The following EDAR variants were observed in gnomAD, a reference collection of about 807,000 sequenced individuals.
EDAR encodes tumor necrosis factor receptor superfamily member EDAR.
EDAR carries 38 observed loss-of-function variants against 51.3 expected under a neutral mutation model. That is an observed-to-expected ratio of 0.74 (90% CI 0.57 to 0.97). The LOEUF is 0.97. Among genes scored for constraint, EDAR ranks in the 50% least tolerant of loss-of-function variants. EDAR has a pLI of 0.00. For missense variants in EDAR, 528 were observed against 595.0 expected, an observed-to-expected ratio of 0.89 and a Z score of 1.17; for synonymous variants, 227 against 242.1, an observed-to-expected ratio of 0.94 and a Z score of 0.58.
intron 1 of EDAR, among the ~76,000 whole-genome samples, chr2:108,948,629 G>T (rs1697761522): frequency 6.6e-6 from 1 of 152,166 alleles, no homozygotes; most frequent in Admixed American, 6.5e-5. Flanking sequence ...GAGAGAGAGA[G>T]AGTGAAGTGG....
At chr2:108,935,605 G>A (rs1697451704) in intron 1 of EDAR, among the ~76,000 whole-genome samples, 1 of 152,080 alleles carries the variant, frequency 6.6e-6, no homozygotes, top group African/African-American at 2.4e-5. Flanking sequence ...TTAAGTTCTG[G>A]CCTTCTTCCA....
chr2:108,918,432 G>T (rs1203486053), intron 5 of EDAR, among the ~76,000 whole-genome samples: 1 of 152,206 alleles, frequency 6.6e-6, no homozygotes, highest in African/African-American at 2.4e-5. Flanking sequence ...GTTTCTGTTG[G>T]GTGGCCAACT....
intron 11 of EDAR, among the ~76,000 whole-genome samples, chr2:108,902,797 A>C (rs1696726984): frequency 6.6e-6 from 1 of 152,250 alleles, no homozygotes; most frequent in Non-Finnish European, 1.5e-5. Flanking sequence ...CTAATATTAT[A>C]CTTAATGGTG....
At chr2:108,952,662 C>G (rs1213190645) in intron 1 of EDAR, among the ~76,000 whole-genome samples, 1 of 152,196 alleles carries the variant, frequency 6.6e-6, no homozygotes, top group East Asian at 1.9e-4. Flanking sequence ...ATGAGTTATT[C>G]TAAAGTCTTA....
chr2:108,984,959 T>C (rs1482459962), intron 1 of EDAR, among the ~76,000 whole-genome samples: 1 of 152,136 alleles, frequency 6.6e-6, no homozygotes, highest in African/African-American at 2.4e-5. Flanking sequence ...ATATGGCAAA[T>C]GGAAGTTTTA....
At chr2:108,909,862 G>A (rs1037088341) in intron 9 of EDAR, among the ~76,000 whole-genome samples, 16 of 152,360 alleles carry the variant, frequency 1.1e-4, no homozygotes, top group Admixed American at 7.2e-4. Flanking sequence ...TTGGGAGCCT[G>A]GACTCGGACC....
intron 1 of EDAR, among the ~76,000 whole-genome samples, chr2:108,957,780 G>T (rs1394195116): frequency 1.3e-5 from 2 of 152,122 alleles, no homozygotes; most frequent in Admixed American, 6.5e-5. Flanking sequence ...CAAAGCAAAG[G>T]GTATTTCTTT....
chr2:108,937,689 G>A (rs932125444), intron 1 of EDAR, among the ~76,000 whole-genome samples: 3 of 151,808 alleles, frequency 2.0e-5, no homozygotes, highest in Admixed American at 1.3e-4. Flanking sequence ...TGTATGTGAT[G>A]TGTATGTGTG....
intron 1 of EDAR, among the ~76,000 whole-genome samples, chr2:108,936,811 C>T (rs904528819): frequency 2.7e-4 from 41 of 152,184 alleles, no homozygotes; most frequent in African/African-American, 9.4e-4. Flanking sequence ...CTGCTTTAGT[C>T]GGATCTGTTT....
chr2:108,944,985 G>A (rs260713), intron 1 of EDAR, among the ~76,000 whole-genome samples: 52,004 of 152,126 alleles, frequency 0.34, 14,442 homozygotes, highest in East Asian at 0.95. Context: ...CAAGGTTTCA[G>A]TGATCACCGT....
At chr2:108,924,207 C>T (rs761950597) in intron 4 of EDAR, among the ~76,000 whole-genome samples, 10 of 152,220 alleles carry the variant, frequency 6.6e-5, no homozygotes, top group South Asian at 2.1e-4. Flanking sequence ...TTCAGCTCCC[C>T]GATGTCACAG....
At chr2:108,962,217 C>T (rs993238149) in intron 1 of EDAR, among the ~76,000 whole-genome samples, 6 of 152,174 alleles carry the variant, frequency 3.9e-5, no homozygotes, top group African/African-American at 1.2e-4. Flanking sequence ...CTGAGATGCT[C>T]GGACGCTCTC....
In EDAR at chr2:108,896,317, A is replaced by G. The variant is rs1558792859; in HGVS notation, c.*590T>C. On this transcript the variant is annotated 3_prime_UTR_variant, in exon 12 of 12. Coordinates refer to ENST00000258443, the MANE Select transcript of EDAR (RefSeq NM_022336.4). ...AGACTTGTACTAAACCTGAAATAATACCTGGAGCAGGGTGTCTGCATTTTG... is the reference window on the plus strand; with the variant it reads ...AGACTTGTACTAAACCTGAAATAATGCCTGGAGCAGGGTGTCTGCATTTTG... The G allele has an allele frequency of 6.5e-6, 1 of 154,488 alleles. No individual in the cohort carries two copies. The highest frequency in any genetic ancestry group is 1.4e-5 in the Non-Finnish European group (1 of 69,458). 9.6% of individuals were successfully genotyped at this position (154,488 alleles called of 1,614,324 possible).
chr2:108,923,198 T>TGC (rs1697184101), intron 5 of EDAR, among the ~76,000 whole-genome samples, 170 bp downstream of exon 5: 3 of 152,134 alleles, frequency 2.0e-5, no homozygotes, highest in Admixed American at 6.5e-5. Context: ...GTGGCAAACA[T>TGC]CCCTCCCTTC....
At position 108,927,427 on chromosome 2, in the gene EDAR, C is replaced by T. The variant is rs922452; in HGVS notation, c.356+1771G>A. ...TAGAGGCAGGGAGCTCACCACCCTT[C>T]CAGTGTCCAACTTCTTTAGTAATTA... On this transcript the variant is annotated intron_variant, in intron 4 of 11. Coordinates refer to ENST00000258443, the MANE Select transcript of EDAR (RefSeq NM_022336.4). Among the ~76,000 whole-genome samples, 13,258 of 152,260 alleles carry T rather than the reference C, an allele frequency of 0.087. 3,136 individuals are homozygous for T. The East Asian group carries it at 0.91, about 10-fold the overall frequency.
chr2:108,945,508 C>T (rs1481293611), intron 1 of EDAR, among the ~76,000 whole-genome samples: 2 of 152,100 alleles, frequency 1.3e-5, no homozygotes, highest in African/African-American at 4.8e-5. Flanking sequence ...GAGGAGCCAG[C>T]AGAGGGCTGA....
At position 108,976,688 on chromosome 2, in the gene EDAR, G is replaced by C. The variant is rs564558389; in HGVS notation, c.-19+12272C>G. Among the ~76,000 whole-genome samples, 4 of 152,130 alleles carry C rather than the reference G, an allele frequency of 2.6e-5. No individual in the cohort carries two copies. The East Asian group carries it at 5.8e-4, about 22-fold the overall frequency. On this transcript the variant is annotated intron_variant, in intron 1 of 11. Coordinates refer to ENST00000258443, the MANE Select transcript of EDAR (RefSeq NM_022336.4). Reference sequence around the variant, plus strand: ...ACATGGGTATTTATTTTAAACTCTGGGTTATAACCCAATATTACATTATTT... The same window carrying C: ...ACATGGGTATTTATTTTAAACTCTGCGTTATAACCCAATATTACATTATTT...
chr2:108,972,859 T>C (rs73952574), intron 1 of EDAR, among the ~76,000 whole-genome samples: 1 of 152,246 alleles, frequency 6.6e-6, no homozygotes, highest in Non-Finnish European at 1.5e-5. Context: ...TTCTCCTCTT[T>C]GCCTTCTTGA....
At chr2:108,948,136 G>C (rs889818617) in intron 1 of EDAR, among the ~76,000 whole-genome samples, 1 of 152,190 alleles carries the variant, frequency 6.6e-6, no homozygotes, top group Non-Finnish European at 1.5e-5. Flanking sequence ...CGGATCTCTA[G>C]AGCAGGGGCA....
Sources: gnomAD v4.1 joint callset for allele counts (sites outside exome capture counted in the v4.1 genomes callset) on GRCh38, gnomAD v4.1.1 for gene constraint, MANE v1.5 for transcripts, NCBI Gene and HGNC (gene_info 2026-07-23, HGNC 2026-07-21) for gene names.